SHANK2: variants seen among roughly 807,000 people sequenced by gnomAD.
The protein encoded by SHANK2 is SH3 and multiple ankyrin repeat domains protein 2.
In SHANK2, 43 loss-of-function variants were observed where a neutral mutation model predicts 133.7. That is an observed-to-expected ratio of 0.32 (90% CI 0.25 to 0.41). The LOEUF (loss-of-function observed/expected upper bound fraction) is 0.41, where lower values mean the gene tolerates loss of function less well. SHANK2 is among the 10% of genes least tolerant of loss of function. The pLI, the probability that SHANK2 is intolerant of heterozygous loss-of-function variation, is 1.00. For missense variants in SHANK2, 1,994 were observed against 2,235.8 expected (o/e 0.89, Z 2.18); for synonymous variants, 1,017 against 952.8 (o/e 1.07, Z -1.24).
chr11:71,077,061 G>A (rs1335790819), intron 8 of SHANK2, among the ~76,000 whole-genome samples: 2 of 152,092 alleles, frequency 1.3e-5, no homozygotes, highest in Admixed American at 6.6e-5. Context: ...AGATGACACT[G>A]TCTGAGCCCC....
intron 2 of SHANK2, among the ~76,000 whole-genome samples, chr11:71,152,993 T>C (rs1952826021): frequency 6.6e-6 from 1 of 152,200 alleles, no homozygotes; most frequent in Admixed American, 6.5e-5. Context: ...TCCCAAATAA[T>C]TGCGTGGGAC....
At chr11:70,552,829 T>C (rs1417703092) in intron 17 of SHANK2, among the ~76,000 whole-genome samples, 1 of 152,056 alleles carries the variant, frequency 6.6e-6, no homozygotes, top group Non-Finnish European at 1.5e-5. Flanking sequence ...CTGGACCCAG[T>C]TCCGGAAGCC....
intron 10 of SHANK2, among the ~76,000 whole-genome samples, chr11:70,909,530 C>T (rs1438686906): frequency 6.6e-6 from 1 of 152,196 alleles, no homozygotes; most frequent in Non-Finnish European, 1.5e-5. Flanking sequence ...CACGGCATGC[C>T]TTGAGGAAGT....
Position 71,094,492 on chromosome 11 carries a change from A to G in SHANK2, c.744+45T>C, listed in dbSNP as rs372526773. On this transcript the variant is annotated intron_variant, in intron 7 of 25. Coordinates refer to ENST00000601538, the MANE Select transcript of SHANK2 (RefSeq NM_012309.5). ...GGATGGGATGGGGCAGCCGCACGGA[A>G]TCAGAGCACGGGGTGGCACCCAAGT... 41 of 1,527,896 alleles carry G rather than the reference A, an allele frequency of 2.7e-5. No homozygotes were observed. In the Admixed American group the frequency reaches 2.8e-4, roughly 10 times the overall value. 94.6% of individuals were successfully genotyped at this position (1,527,896 alleles called of 1,614,324 possible).
At chr11:70,812,920 G>A (rs188859405) in intron 12 of SHANK2, among the ~76,000 whole-genome samples, 3 of 149,446 alleles carry the variant, frequency 2.0e-5, no homozygotes, top group Admixed American at 2.0e-4. Context: ...TCTCGGTGGG[G>A]TGACTTGGAT....
At chr11:70,527,105 C>T (rs1554972316) in intron 17 of SHANK2, among the ~76,000 whole-genome samples, 1 of 152,248 alleles carries the variant, frequency 6.6e-6, no homozygotes, top group African/African-American at 2.4e-5. Flanking sequence ...TGCTGGTGTT[C>T]TGACCCACAA....
chr11:71,066,198 TG>T (rs1344429595), intron 9 of SHANK2, among the ~76,000 whole-genome samples: 13 of 2,448 alleles, frequency 5.3e-3, no homozygotes, highest in African/African-American at 8.1e-3. Flanking sequence ...GTGGGGAAGT[TG>T]GGGGGGGTAT....
intron 11 of SHANK2, among the ~76,000 whole-genome samples, chr11:70,855,321 C>T (rs1949152478): frequency 6.6e-6 from 1 of 152,174 alleles, no homozygotes; most frequent in African/African-American, 2.4e-5. Flanking sequence ...TGGAAGCTTC[C>T]CATATCTAGA....
intron 17 of SHANK2, among the ~76,000 whole-genome samples, chr11:70,638,589 G>T (rs978916252): frequency 6.6e-6 from 1 of 152,224 alleles, no homozygotes; most frequent in East Asian, 1.9e-4. Context: ...CGCGGTGGCC[G>T]AGGAAGCCCT....
chr11:70,758,079 C>T (rs1555039354), intron 14 of SHANK2, among the ~76,000 whole-genome samples: 1 of 152,184 alleles, frequency 6.6e-6, no homozygotes, highest in African/African-American at 2.4e-5. Context: ...TGACACCCAA[C>T]CAATCAGATA....
chr11:71,109,604 C>T (rs535867709), intron 6 of SHANK2, among the ~76,000 whole-genome samples: 19 of 152,216 alleles, frequency 1.2e-4, no homozygotes, highest in Non-Finnish European at 1.8e-4. Context: ...TCCACCTTTA[C>T]AAACATACGT....
In SHANK2 at chr11:70,820,408, G is replaced by A. The variant is rs539929716; in HGVS notation, c.1449C>T (p.Gly483=). 94 of 690,022 alleles carry A rather than the reference G, an allele frequency of 1.4e-4. No individual in the cohort carries two copies. The highest frequency in any genetic ancestry group is 4.7e-4 in the Middle Eastern group (2 of 4,274). 42.7% of individuals were successfully genotyped at this position (690,022 alleles called of 1,614,324 possible). A position where few individuals can be genotyped will look rare whatever the true frequency, so the allele number is the denominator to read the frequency against. Residue 483 remains glycine (G), a synonymous_variant, in exon 12 of 26, where the codon GGC becomes GGT. Transcript: ENST00000601538. ...GCGGCCTCTTGCCGTCCTCGCCTGCGCCGCCCAGCCTGTTGAGCGATGGGG... is the reference window on the plus strand; with the variant it reads ...GCGGCCTCTTGCCGTCCTCGCCTGCACCGCCCAGCCTGTTGAGCGATGGGG... ...SRSPSLNRLG[G]AGEDGKRPQP...
intron 1 of SHANK2, among the ~76,000 whole-genome samples, chr11:71,245,278 C>A (rs1954945805): frequency 6.6e-6 from 1 of 152,036 alleles, no homozygotes; most frequent in Non-Finnish European, 1.5e-5. Flanking sequence ...CCTCGACCGG[C>A]CTCACCAAGT....
rs1405098441 is a variant in SHANK2, at chr11:70,552,561, C to T, written c.2062-49630G>A. Among the ~76,000 whole-genome samples the T allele has an allele frequency of 3.9e-5, 6 of 152,326 alleles. No homozygotes were observed. The East Asian group carries it at 1.2e-3, about 29-fold the overall frequency. On this transcript the variant is annotated intron_variant, in intron 17 of 25. Coordinates refer to ENST00000601538, the MANE Select transcript of SHANK2 (RefSeq NM_012309.5). ...AATCTCCAGGCATTCGTCTATGAAG[C>T]GATTCGTCACTTTCTACCCAAGATG... is the stretch of plus-strand genomic sequence containing the variant.
At chr11:70,699,767 CCCTTTT>C (rs1249397044) in intron 14 of SHANK2, among the ~76,000 whole-genome samples, 1 of 152,240 alleles carries the variant, frequency 6.6e-6, no homozygotes, top group Non-Finnish European at 1.5e-5. Flanking sequence ...AGAACCCTTT[CCCTTTT>C]CCAGCAGTGT....
chr11:70,521,085 TA>T (rs2135928654), intron 17 of SHANK2, among the ~76,000 whole-genome samples: 1 of 152,348 alleles, frequency 6.6e-6, no homozygotes, highest in Admixed American at 6.5e-5. Context: ...TGTGACAAAA[TA>T]TTCTACCCTC....
Position 70,820,371 on chromosome 11 carries a change from G to A in SHANK2, c.1486C>T (p.His496Tyr). 1.6e-6 allele frequency: 1 copy of A among 639,896 alleles called. No individual in the cohort carries two copies. Among genetic ancestry groups the A allele is most frequent in the Non-Finnish European group, 2.9e-6 (1 of 341,706 alleles). The allele number at this position is 639,896 out of a possible 1,614,324, so 39.6% of individuals were successfully genotyped here. ...EDGKRPQPLWHVGSPFALGAN... is the reference protein window; with the variant it reads ...EDGKRPQPLWYVGSPFALGAN... ...GCGTCTGCCACTCCTTACCCGACAT[G>A]CCAGAGAGGCTGCGGCCTCTTGCCG... The change falls in exon 12 of 26, where the codon CAT becomes TAT. Residue 496 changes from histidine to tyrosine, a missense_variant. By Grantham distance (83) the His-to-Tyr change is moderately conservative (BLOSUM62 2). Transcript: ENST00000601538.
chr11:70,810,919 T>C (rs1417734173), intron 12 of SHANK2, among the ~76,000 whole-genome samples: 1 of 152,196 alleles, frequency 6.6e-6, no homozygotes, highest in Non-Finnish European at 1.5e-5. Flanking sequence ...TGGCCGGTGA[T>C]GCGACATGGG....
At chr11:70,590,350 A>G (rs2060305604) in intron 17 of SHANK2, among the ~76,000 whole-genome samples, 1 of 152,228 alleles carries the variant, frequency 6.6e-6, no homozygotes. Flanking sequence ...CAAAGGATTG[A>G]GAATATTCCA....
Sources: allele counts gnomAD v4.1 joint callset (sites outside exome capture counted in the v4.1 genomes callset), GRCh38; gene constraint gnomAD v4.1.1; transcripts MANE v1.5; gene names NCBI Gene and HGNC (gene_info 2026-07-23, HGNC 2026-07-21).